Variants in DMD observed in about 807,000 individuals in gnomAD.
DMD encodes dystrophin.
In DMD, 63 loss-of-function variants were observed where a neutral mutation model predicts 330.1. That is an observed-to-expected ratio of 0.19 (90% CI 0.16 to 0.24). DMD has a LOEUF of 0.24. Ranked by LOEUF, DMD falls within the 10% of genes least tolerant of loss-of-function variation. The pLI, the probability that DMD is intolerant of heterozygous loss-of-function variation, is 1.00. For synonymous variants in DMD, 1,223 were observed against 959.8 expected (o/e 1.27, Z -5.07); for missense variants, 3,344 against 2,684.1 (o/e 1.25, Z -5.43).
intron 20 of DMD, among the ~76,000 whole-genome samples, chrX:32,490,817 T>A (rs1387994186): frequency 1.8e-5 from 2 of 112,124 alleles, no homozygotes; most frequent in Non-Finnish European, 3.8e-5. Context: ...CCTCAAATTA[T>A]CGTAATTTGA....
intron 49 of DMD, among the ~76,000 whole-genome samples, chrX:31,831,554 C>G (rs763871157): frequency 1.8e-5 from 2 of 111,821 alleles, no homozygotes; most frequent in East Asian, 2.8e-4. Flanking sequence ...TTTATTCAAC[C>G]TCTTATACTC....
chrX:33,008,405 A>G (rs1409990698), intron 2 of DMD, among the ~76,000 whole-genome samples: 1 of 110,939 alleles, frequency 9.0e-6, no homozygotes, highest in Non-Finnish European at 1.9e-5. Context: ...AGGAATCCAT[A>G]GGAATCTTGG....
chrX:32,676,673 C>T (rs952303814), intron 9 of DMD, among the ~76,000 whole-genome samples: 2 of 111,100 alleles, frequency 1.8e-5, no homozygotes, highest in Non-Finnish European at 3.8e-5. Context: ...TTATCTGCAC[C>T]GGCTTATCAT....
At chrX:31,188,175 G>A (rs2148396451) in intron 67 of DMD, among the ~76,000 whole-genome samples, 1 of 111,784 alleles carries the variant, frequency 8.9e-6, no homozygotes, top group Admixed American at 9.5e-5. Context: ...GGGGATTCAC[G>A]TTCTCATTCT....
intron 11 of DMD, among the ~76,000 whole-genome samples, chrX:32,632,818 G>A (rs886532559): frequency 1.8e-5 from 2 of 112,307 alleles, no homozygotes; most frequent in East Asian, 2.9e-4. Context: ...AAACCATTCT[G>A]TCCTCTTAGG....
chrX:32,731,920 T>C (rs1166241881), intron 7 of DMD, among the ~76,000 whole-genome samples: 1 of 112,101 alleles, frequency 8.9e-6, no homozygotes, highest in East Asian at 2.8e-4. Flanking sequence ...GAGGATGACT[T>C]TGACGAGCTG....
intron 2 of DMD, among the ~76,000 whole-genome samples, chrX:32,851,586 A>T (rs1275084302): frequency 1.8e-5 from 2 of 112,384 alleles, no homozygotes; most frequent in African/African-American, 6.5e-5. Context: ...CTACATAAAA[A>T]CCAAAAATCA....
chrX:33,164,326 C>G (rs1321540000), intron 1 of DMD, among the ~76,000 whole-genome samples: 1 of 111,980 alleles, frequency 8.9e-6, no homozygotes, highest in Non-Finnish European at 1.9e-5. Context: ...GAGCTTTAAG[C>G]TATCATTGGA....
At chrX:31,797,347 T>C (rs1255765228) in intron 50 of DMD, among the ~76,000 whole-genome samples, 1 of 109,426 alleles carries the variant, frequency 9.1e-6, no homozygotes, top group Non-Finnish European at 1.9e-5. Flanking sequence ...GAATGTGCAA[T>C]CTCAGAAACT....
chrX:31,370,078 G>A (rs1410954679), intron 60 of DMD, among the ~76,000 whole-genome samples: 3 of 86,821 alleles, frequency 3.5e-5, no homozygotes, highest in East Asian at 6.6e-4. Flanking sequence ...CAAGCTGGGC[G>A]ACAGAGCGAG....
At chrX:32,182,006 T>A (rs1419435933) in intron 44 of DMD, among the ~76,000 whole-genome samples, 4 of 112,293 alleles carry the variant, frequency 3.6e-5, no homozygotes, top group African/African-American at 1.3e-4. Flanking sequence ...CGCATTTTAA[T>A]CTTTGAAAAT....
intron 50 of DMD, among the ~76,000 whole-genome samples, chrX:31,805,465 AG>A (rs2092258324): frequency 8.9e-6 from 1 of 112,126 alleles, no homozygotes; most frequent in Admixed American, 9.5e-5. Context: ...GGTATATTTA[AG>A]GGTACTTCAA....
chrX:31,281,990 TGA>T (rs10592614), intron 62 of DMD, among the ~76,000 whole-genome samples: 27,949 of 111,040 alleles, frequency 0.25, 4,772 homozygotes, highest in African/African-American at 0.62. Flanking sequence ...TTCTGATTTG[TGA>T]GAGTCATGCG....
chrX:32,332,581 G>C (rs1391868425), intron 41 of DMD, among the ~76,000 whole-genome samples: 1 of 110,353 alleles, frequency 9.1e-6, no homozygotes, highest in Non-Finnish European at 1.9e-5. Context: ...TGCAATGGGT[G>C]CATGTCAGAT....
chrX:32,866,013 G>A (rs1309766679), intron 2 of DMD, among the ~76,000 whole-genome samples: 1 of 112,356 alleles, frequency 8.9e-6, no homozygotes, highest in Non-Finnish European at 1.9e-5. Context: ...TTGAAGTGCT[G>A]GCATTTCCTC....
chrX:32,838,358 C>A (rs753741873), intron 4 of DMD, among the ~76,000 whole-genome samples: 2 of 111,002 alleles, frequency 1.8e-5, no homozygotes, highest in East Asian at 5.6e-4. Flanking sequence ...AGACCCGTCA[C>A]CTACATTAGG....
At chrX:32,879,459 T>G (rs72626054) in intron 2 of DMD, among the ~76,000 whole-genome samples, 8,615 of 111,982 alleles carry the variant, frequency 0.077, 321 homozygotes, top group East Asian at 0.15. Context: ...ACCACTTTGT[T>G]CCCATTTTAT....
intron 30 of DMD, among the ~76,000 whole-genome samples, chrX:32,403,469 C>G: frequency 9.0e-6 from 1 of 111,489 alleles, no homozygotes; most frequent in Non-Finnish European, 1.9e-5. Context: ...TTAAAATGTA[C>G]ACATCAAAAT....
intron 2 of DMD, among the ~76,000 whole-genome samples, chrX:32,896,898 T>C (rs1485299819): frequency 1.8e-5 from 2 of 112,362 alleles, no homozygotes; most frequent in Non-Finnish European, 1.9e-5. Context: ...TGCTGTCAGA[T>C]GAAAAGTTAA....
Sources: allele counts gnomAD v4.1 joint callset (sites outside exome capture counted in the v4.1 genomes callset), GRCh38; gene constraint gnomAD v4.1.1; transcripts MANE v1.5; gene names NCBI Gene and HGNC (gene_info 2026-07-23, HGNC 2026-07-21).